Variants in LGI4 observed in about 807,000 individuals in gnomAD.
LGI4 encodes leucine rich repeat LGI family member 4.
Under a neutral mutation model 48.3 loss-of-function variants are expected in LGI4, and 36 were observed. The observed-to-expected ratio is 0.75, with a 90% confidence interval of 0.57 to 0.98. LGI4 has a LOEUF of 0.98. Ranked by LOEUF, LGI4 falls within the 50% of genes least tolerant of loss-of-function variation. The pLI is 0.00. For synonymous variants in LGI4, 355 were observed against 331.6 expected, an observed-to-expected ratio of 1.07 and a Z score of -0.77; for missense variants, 701 against 732.1, an observed-to-expected ratio of 0.96 and a Z score of 0.49.
At chr19:35,129,035 C>T (rs557925092) in intron 6 of LGI4, among the ~76,000 whole-genome samples, 425 of 152,300 alleles carry the variant, frequency 2.8e-3, no homozygotes, top group Admixed American at 4.3e-3. Flanking sequence ...GTTATCACAA[C>T]GTATAGCACA....
chr19:35,126,413 G>T lies in LGI4; in HGVS notation c.1156C>A (p.Arg386=), dbSNP rs772380889. The T allele has an allele frequency of 1.9e-6, 3 of 1,607,148 alleles. No homozygotes were observed. The highest frequency in any genetic ancestry group is 2.2e-5 in the South Asian group (2 of 90,050). ...PHLLLASASQ[R]PVLFHWTGGR... ...CCGGTCCAGTGGAAGAGCACGGGCC[G>T]CTGGGAAGCCGAGGCCAGCAGCAGG... The change falls in exon 8 of 9, where the codon CGG becomes AGG. Residue 386 remains arginine (R), a synonymous_variant. Transcript: ENST00000310123.
At position 35,125,143 on chromosome 19, in the gene LGI4, C is replaced by G. The variant is rs2065122069; in HGVS notation, c.*50G>C. The G allele has an allele frequency of 2.0e-6, 3 of 1,476,708 alleles. No homozygotes were observed. Among genetic ancestry groups the G allele is most frequent in the Admixed American group, 2.3e-5 (1 of 43,526 alleles). The allele number at this position is 1,476,708 out of a possible 1,614,324, so 91.5% of individuals were successfully genotyped here. A position where few individuals can be genotyped will look rare whatever the true frequency, so the allele number is the denominator to read the frequency against. Reference sequence around the variant, plus strand: ...ACCCCAAGTAGGGCCAGGAGCCAGCCAAGGGGCCGTCCAGGGGCCCCAGCC... The same window carrying G: ...ACCCCAAGTAGGGCCAGGAGCCAGCGAAGGGGCCGTCCAGGGGCCCCAGCC... On this transcript the variant is annotated 3_prime_UTR_variant, in exon 9 of 9. Transcript: ENST00000310123.
At chr19:35,128,307 G>A (rs374399617) in intron 6 of LGI4, among the ~76,000 whole-genome samples, 24 of 152,332 alleles carry the variant, frequency 1.6e-4, no homozygotes, top group Admixed American at 6.5e-4. Context: ...TTCACTCTGC[G>A]TGCCAGGCCC....
At chr19:35,133,543 G>T (rs994743267) in intron 3 of LGI4, 150 bp downstream of exon 3, 127 of 1,472,514 alleles carry the variant, frequency 8.6e-5, no homozygotes, top group Non-Finnish European at 1.1e-4. Context: ...CATCACCATT[G>T]GGTTCGCCAT....
rs764882757 is a variant in LGI4 at position 35,131,848 on chromosome 19, A to G, written c.399T>C (p.Asn133=). Residue 133 remains asparagine (N), a synonymous_variant, in exon 5 of 9, where the codon AAT becomes AAC. Transcript: ENST00000310123. ...LRSLTHLSLA[N]NHLETLPRFL... is the part of the protein sequence containing the mutation. ...ATCTGGGGAGGGTCTCCAGATGGTT[A>G]TTGGCCAGGCTTCTGGTGGAGGAAG... is the stretch of plus-strand genomic sequence containing the variant. 1 of 1,574,110 alleles carries G rather than the reference A, an allele frequency of 6.4e-7. No homozygotes were observed. The highest frequency in any genetic ancestry group is 1.2e-5 in the South Asian group (1 of 85,644).
chr19:35,124,873 G>A lies in LGI4; in HGVS notation c.*320C>T, dbSNP rs1171086353. On this transcript the variant is annotated 3_prime_UTR_variant, in exon 9 of 9. Coordinates refer to ENST00000310123, the MANE Select transcript of LGI4 (RefSeq NM_139284.3). ...TCCGGGACCTCATGGAGCTCTGCACGTGACCTCCACCTCGACTCCATGCAG... is the reference window on the plus strand; with the variant it reads ...TCCGGGACCTCATGGAGCTCTGCACATGACCTCCACCTCGACTCCATGCAG... 5 of 242,334 alleles carry A rather than the reference G, an allele frequency of 2.1e-5. No homozygotes were observed. The highest frequency in any genetic ancestry group is 1.1e-4 in the African/African-American group (5 of 44,718). 15.0% of individuals were successfully genotyped at this position (242,334 alleles called of 1,614,324 possible).
Position 35,134,068 on chromosome 19 carries a change from G to C in LGI4, c.207C>G (p.Ala69=). 6.4e-7 allele frequency: 1 copy of C among 1,566,566 alleles called. No homozygotes were observed. The highest frequency in any genetic ancestry group is 8.7e-7 in the Non-Finnish European group (1 of 1,155,092). The change falls in exon 2 of 9, where the codon GCC becomes GCG. Residue 69 remains alanine (A), a synonymous_variant. Transcript: ENST00000310123. ...GAGACGGAATTCTCAGGAAGCTGCC[G>C]GCCTTCAGCTGGGTGACTCCCGTCC... ...LVRTGVTQLK[A]GSFLRIPSLH...
Position 35,133,735 on chromosome 19 carries a change from A to G in LGI4, c.272T>C (p.Ile91Thr), listed in dbSNP as rs745908490. 1.2e-6 allele frequency: 2 copies of G among 1,609,802 alleles called. No homozygotes were observed. Among genetic ancestry groups the G allele is most frequent in the Non-Finnish European group, 1.7e-6 (2 of 1,178,466 alleles). ...LLFTSNSFSV[I>T]EDDAFAGLSH... is the part of the protein sequence containing the mutation. ...CAGGCCCGCAAATGCATCGTCCTCA[A>G]TCACGGAGAAGGAGTTGGAGGTGAA... The change falls in exon 3 of 9, where the codon ATT becomes ACT. Residue 91 changes from isoleucine to threonine, a missense_variant. Transcript: ENST00000310123.
intron 6 of LGI4, among the ~76,000 whole-genome samples, chr19:35,129,021 T>G (rs1489308416): frequency 2.0e-5 from 3 of 152,142 alleles, no homozygotes; most frequent in African/African-American, 7.2e-5. Flanking sequence ...CATCACTCCT[T>G]GTAGTTATCA....
chr19:35,133,862 G>T, intron 2 of LGI4, 98 bp from the exon 3 acceptor site: 1 of 1,371,210 alleles, frequency 7.3e-7, no homozygotes, highest in Non-Finnish European at 1.0e-6. Context: ...GCATGGGCAC[G>T]CAGGTGTGAG....
chr19:35,133,964 C>A, intron 2 of LGI4, 69 bp downstream of exon 2: 1 of 1,441,680 alleles, frequency 6.9e-7, no homozygotes, highest in Non-Finnish European at 9.5e-7. Context: ...TGTGAGCATA[C>A]ACTCCCACAC....
At chr19:35,131,268 T>C in intron 6 of LGI4, 118 bp downstream of exon 6, 1 of 1,281,982 alleles carries the variant, frequency 7.8e-7, no homozygotes, top group Non-Finnish European at 1.1e-6. Context: ...GCAGTGCTGC[T>C]TGCTCAGGGT....
chr19:35,131,163 G>A (rs558544441), intron 6 of LGI4: 52 of 643,848 alleles, frequency 8.1e-5, no homozygotes, highest in Middle Eastern at 2.8e-4. Context: ...GCCAAATGCC[G>A]AACACGTGAA....
intron 2 of LGI4, 21 bp downstream of exon 2, chr19:35,134,012 G>A: frequency 6.4e-7 from 1 of 1,553,652 alleles, no homozygotes; most frequent in East Asian, 2.4e-5. Flanking sequence ...CTGGTTGTCG[G>A]CCCAGCCAGG....
Position 35,125,121 on chromosome 19 carries a change from C to A in LGI4, c.*72G>T. On this transcript the variant is annotated 3_prime_UTR_variant, in exon 9 of 9. Coordinates refer to ENST00000310123, the MANE Select transcript of LGI4 (RefSeq NM_139284.3). ...AGCAGCTCACAGGCGGGCCATCACCCCAAGTAGGGCCAGGAGCCAGCCAAG... is the reference window on the plus strand; with the variant it reads ...AGCAGCTCACAGGCGGGCCATCACCACAAGTAGGGCCAGGAGCCAGCCAAG... 7.3e-7 allele frequency: 1 copy of A among 1,366,870 alleles called. No individual in the cohort carries two copies. Among genetic ancestry groups the A allele is most frequent in the Non-Finnish European group, 9.9e-7 (1 of 1,013,690 alleles). The allele number at this position is 1,366,870 out of a possible 1,614,324, so 84.7% of individuals were successfully genotyped here. A position where few individuals can be genotyped will look rare whatever the true frequency, so the allele number is the denominator to read the frequency against.
In LGI4 at chr19:35,126,880, G is replaced by A. The variant is rs138695031; in HGVS notation, c.766C>T (p.Arg256Cys). 40 of 1,612,976 alleles carry A rather than the reference G, an allele frequency of 2.5e-5. 1 individual carries two copies. In the East Asian group the frequency reaches 7.4e-4, roughly 30 times the overall value. The change falls in exon 7 of 9, where the codon CGC (arginine) becomes TGC (cysteine). Residue 256 changes from arginine to cysteine, a missense_variant. Around this residue, in one of 3 missense-constraint regions of LGI4, gnomAD observed 462 missense variants for 436.4 expected, o/e 1.06. Transcript: ENST00000310123. ...LILSWDYSLQ[R>C]FRPEEELPAA... ...GGCAGCTCTTCCTCGGGCCGGAAGCGCTGCAGGCTGTAGTCCCAGGAGAGA... is the reference window on the plus strand; with the variant it reads ...GGCAGCTCTTCCTCGGGCCGGAAGCACTGCAGGCTGTAGTCCCAGGAGAGA...
At chr19:35,131,009 A>T in intron 6 of LGI4, 1 of 568,514 alleles carries the variant, frequency 1.8e-6, no homozygotes, top group Non-Finnish European at 3.1e-6. Context: ...CTATTTATAG[A>T]AAAGGCGAGT....
Position 35,134,903 on chromosome 19 carries a change from T to A in LGI4, c.-223A>T, listed in dbSNP as rs1358254497. ...TTCTCTTTCTCCCTGTCTTTCTGTC[T>A]CTGTATTTTTGACTCTGTGTGTTAG... On this transcript the variant is annotated 5_prime_UTR_variant, in exon 1 of 9. Coordinates refer to ENST00000310123, the MANE Select transcript of LGI4 (RefSeq NM_139284.3). 10 of 527,746 alleles carry A rather than the reference T, an allele frequency of 1.9e-5. No individual in the cohort carries two copies. The highest frequency in any genetic ancestry group is 1.1e-4 in the South Asian group (4 of 36,650). The allele number at this position is 527,746 out of a possible 1,614,324, so 32.7% of individuals were successfully genotyped here.
chr19:35,126,926 GGGCTGTGCC>G lies in LGI4; in HGVS notation c.711_719del (p.Ala238_Pro240del). On this transcript the variant is annotated inframe_deletion, in exon 7 of 9. Coordinates refer to ENST00000310123, the MANE Select transcript of LGI4 (RefSeq NM_139284.3). Reference sequence around the variant, plus strand: ...AGAGAATCAGGCAGCGGCCGGCGAAGGGCTGTGCCAGCACAATGTGAGGCTCCCCTTGGT... The same window carrying G: ...AGAGAATCAGGCAGCGGCCGGCGAAGAGCACAATGTGAGGCTCCCCTTGGT... The G allele has an allele frequency of 6.2e-7, 1 of 1,613,750 alleles. No homozygotes were observed. The highest frequency in any genetic ancestry group is 8.5e-7 in the Non-Finnish European group (1 of 1,179,960).
Sources: allele counts gnomAD v4.1 joint callset (sites outside exome capture counted in the v4.1 genomes callset), GRCh38; gene constraint gnomAD v4.1.1; regional missense constraint gnomAD v4.1.1; transcripts MANE v1.5; gene names NCBI Gene and HGNC (gene_info 2026-07-23, HGNC 2026-07-21).